Variants in GRM3 observed in about 807,000 individuals in gnomAD.
The protein encoded by GRM3 is glutamate metabotropic receptor 3.
In GRM3, 26 loss-of-function variants were observed where a neutral mutation model predicts 70.5. The observed-to-expected ratio is 0.37, with a 90% CI of 0.27 to 0.51. GRM3 has a LOEUF of 0.51. Ranked by LOEUF, GRM3 falls within the 20% of genes least tolerant of loss-of-function variation. The pLI is 0.93. For synonymous variants in GRM3, 443 were observed against 434.9 expected, an observed-to-expected ratio of 1.02 and a Z score of -0.23; for missense variants, 859 against 1,123.8, an observed-to-expected ratio of 0.76 and a Z score of 3.37.
chr7:86,789,951 T>C (rs1797364314), intron 3 of GRM3, among the ~76,000 whole-genome samples: 1 of 152,214 alleles, frequency 6.6e-6, no homozygotes, highest in African/African-American at 2.4e-5. Context: ...TTCTTCCAAA[T>C]AGTAATCTCT....
At chr7:86,805,253 C>CT (rs540310575) in intron 3 of GRM3, among the ~76,000 whole-genome samples, 16 of 152,018 alleles carry the variant, frequency 1.1e-4, no homozygotes, top group East Asian at 3.9e-4. Flanking sequence ...TATTATAGAC[C>CT]TTTTTTTTAT....
intron 3 of GRM3, among the ~76,000 whole-genome samples, chr7:86,807,652 T>A (rs1440671202): frequency 2.0e-5 from 3 of 152,060 alleles, no homozygotes; most frequent in Admixed American, 6.6e-5. Flanking sequence ...TGGGCTGAGA[T>A]GATGGGGTTT....
intron 1 of GRM3, among the ~76,000 whole-genome samples, chr7:86,674,896 A>G (rs1562821721): frequency 6.6e-6 from 1 of 152,128 alleles, no homozygotes; most frequent in Non-Finnish European, 1.5e-5. Context: ...TCATCTATTA[A>G]GTCCCAATGC....
intron 3 of GRM3, among the ~76,000 whole-genome samples, chr7:86,809,854 G>A (rs1479263132): frequency 6.6e-6 from 1 of 151,834 alleles, no homozygotes; most frequent in East Asian, 1.9e-4. Flanking sequence ...GATTTAAAAA[G>A]AAAAAATTCT....
chr7:86,673,974 T>G (rs1794240474), intron 1 of GRM3, among the ~76,000 whole-genome samples: 1 of 152,144 alleles, frequency 6.6e-6, no homozygotes, highest in Non-Finnish European at 1.5e-5. Flanking sequence ...TATAGCAGGC[T>G]CCTAACTTAT....
intron 5 of GRM3, among the ~76,000 whole-genome samples, chr7:86,852,925 T>C (rs1424372409): frequency 6.6e-6 from 1 of 152,182 alleles, no homozygotes; most frequent in East Asian, 1.9e-4. Context: ...TTGAGCCTGA[T>C]TTCCTGACTT....
At chr7:86,860,172 A>AC (rs1197433891) in intron 5 of GRM3, among the ~76,000 whole-genome samples, 1 of 152,176 alleles carries the variant, frequency 6.6e-6, no homozygotes, top group African/African-American at 2.4e-5. Flanking sequence ...AATGGGCTAA[A>AC]CTTACACCAT....
chr7:86,751,503 G>A (rs1196175416), intron 1 of GRM3, among the ~76,000 whole-genome samples: 1 of 152,016 alleles, frequency 6.6e-6, no homozygotes, highest in African/African-American at 2.4e-5. Context: ...ATAATTTTTT[G>A]AACAGTGGAA....
intron 1 of GRM3, among the ~76,000 whole-genome samples, chr7:86,734,553 G>A (rs746612613): frequency 2.0e-5 from 3 of 152,238 alleles, no homozygotes; most frequent in Admixed American, 6.5e-5. Flanking sequence ...ATATTTATTT[G>A]TAAAGAATAA....
chr7:86,662,954 G>A (rs1793931640), intron 1 of GRM3, among the ~76,000 whole-genome samples: 1 of 151,626 alleles, frequency 6.6e-6, no homozygotes, highest in South Asian at 2.1e-4. Flanking sequence ...ATGAGTTAAA[G>A]CAGCACATTA....
chr7:86,683,041 G>A (rs1794479870), intron 1 of GRM3, among the ~76,000 whole-genome samples: 1 of 152,156 alleles, frequency 6.6e-6, no homozygotes, highest in Non-Finnish European at 1.5e-5. Context: ...CTGGACAGCA[G>A]TTTGAAAACA....
chr7:86,694,523 AAAAAAG>A (rs1256878303), intron 1 of GRM3, among the ~76,000 whole-genome samples: 1,586 of 147,130 alleles, frequency 0.011, 31 homozygotes, highest in African/African-American at 0.038. Context: ...AAAAAAAAAA[AAAAAAG>A]AAAAGAAAGA....
Position 86,864,658 on chromosome 7 carries a change from A to C in GRM3, c.*303A>C, listed in dbSNP as rs1434895886. 1 of 233,956 alleles carries C rather than the reference A, an allele frequency of 4.3e-6. No individual in the cohort carries two copies. The highest frequency in any genetic ancestry group is 2.3e-5 in the African/African-American group (1 of 44,350). 14.5% of individuals were successfully genotyped at this position (233,956 alleles called of 1,614,324 possible). ...AAAAACAAAAAAAAAAAACAAAAAA[A>C]AAAAAACAAAAGAAAAAAATAAAAA... is the stretch of plus-strand genomic sequence containing the variant. On this transcript the variant is annotated 3_prime_UTR_variant, in exon 6 of 6. Coordinates refer to ENST00000361669, the MANE Select transcript of GRM3 (RefSeq NM_000840.3).
rs1214724992 is a variant in GRM3, at chr7:86,685,697, G to A, written c.-141+40825G>A. On this transcript the variant is annotated intron_variant, in intron 1 of 5. Transcript: ENST00000361669. Reference sequence around the variant, plus strand: ...CAAAGCAGGTGGATCACAAGATCAGGAGAAAGAGACCATCCTGGACAACAG... The same window carrying A: ...CAAAGCAGGTGGATCACAAGATCAGAAGAAAGAGACCATCCTGGACAACAG... Among the ~76,000 whole-genome samples the A allele has an allele frequency of 2.6e-5, 4 of 152,118 alleles. No homozygotes were observed. The South Asian group carries it at 6.2e-4, about 24-fold the overall frequency.
intron 2 of GRM3, among the ~76,000 whole-genome samples, chr7:86,777,626 T>C (rs770598461): frequency 1.3e-5 from 2 of 152,184 alleles, no homozygotes; most frequent in Non-Finnish European, 2.9e-5. Flanking sequence ...TGGGCATCAA[T>C]TGTTTTCATG....
chr7:86,714,685 A>G (rs1795276771), intron 1 of GRM3, among the ~76,000 whole-genome samples: 1 of 152,064 alleles, frequency 6.6e-6, no homozygotes, highest in African/African-American at 2.4e-5. Flanking sequence ...TATTATCTAC[A>G]TAGCTAATCC....
chr7:86,817,034 A>C (rs1252597297), intron 3 of GRM3, among the ~76,000 whole-genome samples: 1 of 151,914 alleles, frequency 6.6e-6, no homozygotes, highest in Non-Finnish European at 1.5e-5. Context: ...TGAAAAAAAC[A>C]GTTGGTATGG....
intron 3 of GRM3, among the ~76,000 whole-genome samples, chr7:86,798,454 T>C (rs923581277): frequency 2.6e-5 from 4 of 152,186 alleles, no homozygotes; most frequent in African/African-American, 9.7e-5. Flanking sequence ...CTACTGGATT[T>C]TGGACTTGCA....
chr7:86,647,707 A>T (rs1244153479), intron 1 of GRM3, among the ~76,000 whole-genome samples: 1 of 152,218 alleles, frequency 6.6e-6, no homozygotes, highest in African/African-American at 2.4e-5. Context: ...GCATAAAATG[A>T]TAGAAGATTA....
Sources: gnomAD v4.1 joint callset for allele counts (sites outside exome capture counted in the v4.1 genomes callset) on GRCh38, gnomAD v4.1.1 for gene constraint, MANE v1.5 for transcripts, NCBI Gene and HGNC (gene_info 2026-07-23, HGNC 2026-07-21) for gene names.